The following TTC39B variants were observed in gnomAD, a reference collection of about 807,000 sequenced individuals.
TTC39B encodes the protein tetratricopeptide repeat domain 39B.
In TTC39B, 92 loss-of-function variants were observed where a neutral mutation model predicts 96.6. That is an observed-to-expected ratio of 0.95 (90% CI 0.80 to 1.13). The LOEUF (loss-of-function observed/expected upper bound fraction) is 1.13, where lower values mean the gene tolerates loss of function less well. Ranked by LOEUF, TTC39B falls within the 50% of genes most tolerant of loss-of-function variation. TTC39B has a pLI of 0.00. For synonymous variants in TTC39B, 367 were observed against 299.4 expected, an observed-to-expected ratio of 1.23 and a Z score of -2.33; for missense variants, 955 against 809.3, an observed-to-expected ratio of 1.18 and a Z score of -2.18.
At chr9:15,207,296 A>G (rs2131333889) in intron 6 of TTC39B, among the ~76,000 whole-genome samples, 1 of 152,348 alleles carries the variant, frequency 6.6e-6, no homozygotes, top group South Asian at 2.1e-4. Flanking sequence ...CACCAGGCCC[A>G]GCCTACTTTT....
intron 2 of TTC39B, among the ~76,000 whole-genome samples, chr9:15,262,997 A>G (rs947989414): frequency 1.3e-5 from 2 of 152,246 alleles, no homozygotes; most frequent in African/African-American, 4.8e-5. Flanking sequence ...AAATTAGGAC[A>G]AACAAAAAGT....
At chr9:15,287,031 G>A (rs1251293440) in intron 1 of TTC39B, among the ~76,000 whole-genome samples, 1 of 152,100 alleles carries the variant, frequency 6.6e-6, no homozygotes, top group African/African-American at 2.4e-5. Context: ...CTAAACTTCA[G>A]CAATAAGACT....
chr9:15,253,263 A>C (rs1822630711), intron 2 of TTC39B, among the ~76,000 whole-genome samples: 1 of 152,220 alleles, frequency 6.6e-6, no homozygotes, highest in African/African-American at 2.4e-5. Context: ...AGGCAATCAC[A>C]AATTTCCTTA....
chr9:15,255,734 A>C (rs925801037), intron 2 of TTC39B, among the ~76,000 whole-genome samples: 4 of 152,192 alleles, frequency 2.6e-5, no homozygotes, highest in African/African-American at 9.7e-5. Flanking sequence ...GGCAATGGAG[A>C]CACCAACAAT....
At chr9:15,250,600 C>T (rs111895983) in intron 2 of TTC39B, among the ~76,000 whole-genome samples, 8,651 of 152,192 alleles carry the variant, frequency 0.057, 281 homozygotes, top group South Asian at 0.076. Flanking sequence ...ACATATATGA[C>T]ATGACAGTCA....
chr9:15,182,480 C>G, intron 16 of TTC39B, 65 bp from the exon 17 acceptor site: 1 of 1,096,996 alleles, frequency 9.1e-7, no homozygotes, highest in Non-Finnish European at 1.3e-6. Flanking sequence ...TTATGATCCC[C>G]AAACAATGTT....
At chr9:15,291,867 C>G (rs1036635844) in intron 1 of TTC39B, among the ~76,000 whole-genome samples, 2 of 152,326 alleles carry the variant, frequency 1.3e-5, no homozygotes, top group Non-Finnish European at 2.9e-5. Flanking sequence ...GCAGCAGACA[C>G]AGTGGAGTTC....
At chr9:15,270,990 T>C (rs1208980402) in intron 1 of TTC39B, among the ~76,000 whole-genome samples, 1 of 152,198 alleles carries the variant, frequency 6.6e-6, no homozygotes, top group Non-Finnish European at 1.5e-5. Flanking sequence ...CCTCCCAACA[T>C]ACAGCAAGTT....
At chr9:15,193,538 C>T (rs1330688420) in intron 8 of TTC39B, among the ~76,000 whole-genome samples, 1 of 152,144 alleles carries the variant, frequency 6.6e-6, no homozygotes, top group African/African-American at 2.4e-5. Context: ...GACCTAACTT[C>T]CAGTTTACAA....
Position 15,203,818 on chromosome 9 carries a change from A to G in TTC39B, c.759+5T>C. 5 of 1,610,706 alleles carry G rather than the reference A, an allele frequency of 3.1e-6. No individual in the cohort carries two copies. The highest frequency in any genetic ancestry group is 4.2e-6 in the Non-Finnish European group (5 of 1,178,172). On this transcript the variant is annotated splice_donor_5th_base_variant and intron_variant, in intron 7 of 19. Transcript: ENST00000512701. ...AATACGAATTCCAAGCCAAATATTC[A>G]TTACCTGCACAAACGTGAGTGCAGC... is the stretch of plus-strand genomic sequence containing the variant.
chr9:15,290,942 TG>T lies in TTC39B; in HGVS notation c.240+16141del, dbSNP rs1563792876. Among the ~76,000 whole-genome samples, 3 of 152,330 alleles carry T rather than the reference TG, an allele frequency of 2.0e-5. No homozygotes were observed. In the South Asian group the frequency reaches 6.2e-4, roughly 32 times the overall value. Reference sequence around the variant, plus strand: ...ATTGAGATCTGTCTCAGACATTTTTTGGGTTATACGTAAAAGGAGTAATGCA... The same window carrying T: ...ATTGAGATCTGTCTCAGACATTTTTTGGTTATACGTAAAAGGAGTAATGCA... On this transcript the variant is annotated intron_variant, in intron 1 of 19. Coordinates refer to ENST00000512701, the Ensembl canonical transcript of TTC39B.
At chr9:15,230,084 AC>A (rs1193267188) in intron 2 of TTC39B, among the ~76,000 whole-genome samples, 4 of 152,208 alleles carry the variant, frequency 2.6e-5, no homozygotes, top group African/African-American at 9.7e-5. Flanking sequence ...ATATGCATGT[AC>A]CCTTGCAAAA....
intron 2 of TTC39B, among the ~76,000 whole-genome samples, chr9:15,250,711 T>G (rs1206282650): frequency 6.6e-6 from 1 of 152,234 alleles, no homozygotes; most frequent in Non-Finnish European, 1.5e-5. Context: ...TAGGAAATAC[T>G]AGTTCAAAGA....
chr9:15,179,374 G>C (rs1818127279), intron 17 of TTC39B, among the ~76,000 whole-genome samples: 1 of 152,154 alleles, frequency 6.6e-6, no homozygotes, highest in Non-Finnish European at 1.5e-5. Context: ...CATGCTGGCA[G>C]TTAAGATGGT....
intron 1 of TTC39B, among the ~76,000 whole-genome samples, chr9:15,286,101 T>C (rs1823966694): frequency 6.6e-6 from 1 of 152,238 alleles, no homozygotes; most frequent in African/African-American, 2.4e-5. Context: ...GGATATCCTC[T>C]TACATGGCCA....
intron 1 of TTC39B, among the ~76,000 whole-genome samples, chr9:15,283,286 T>C (rs1823835509): frequency 6.6e-6 from 1 of 152,256 alleles, no homozygotes; most frequent in Non-Finnish European, 1.5e-5. Flanking sequence ...AATGCAAGGC[T>C]ATTCTGATTA....
At chr9:15,174,464 T>C (rs894140418) in intron 19 of TTC39B, among the ~76,000 whole-genome samples, 85 of 152,150 alleles carry the variant, frequency 5.6e-4, no homozygotes, top group African/African-American at 2.0e-3. Context: ...CCAGAATTGA[T>C]AAAAATACTT....
At chr9:15,220,676 T>C (rs2131384569) in intron 3 of TTC39B, among the ~76,000 whole-genome samples, 1 of 152,222 alleles carries the variant, frequency 6.6e-6, no homozygotes, top group African/African-American at 2.4e-5. Flanking sequence ...TTTTTTTTTC[T>C]TTTCATTTCC....
chr9:15,236,811 C>T (rs769938144), intron 2 of TTC39B, among the ~76,000 whole-genome samples: 1 of 152,140 alleles, frequency 6.6e-6, no homozygotes, highest in Non-Finnish European at 1.5e-5. Context: ...ACCTCTGGTA[C>T]ACAGCAAAAG....
Sources: gnomAD v4.1 joint callset for allele counts (sites outside exome capture counted in the v4.1 genomes callset) on GRCh38, gnomAD v4.1.1 for gene constraint, MANE v1.5 for transcripts, NCBI Gene and HGNC (gene_info 2026-07-23, HGNC 2026-07-21) for gene names.